The following GATB variants were observed in gnomAD, a reference collection of about 807,000 sequenced individuals.
GATB encodes glutamyl-tRNA amidotransferase subunit B.
GATB carries 39 observed loss-of-function variants against 62.3 expected under a neutral mutation model. The ratio of observed to expected loss-of-function variants is 0.63; its 90% confidence interval spans 0.48 to 0.82. GATB has a LOEUF of 0.82. Among genes scored for constraint, GATB ranks in the 40% least tolerant of loss-of-function variants. The pLI is 0.00. For synonymous variants in GATB, 276 were observed against 258.9 expected (o/e 1.07, Z -0.63); for missense variants, 670 against 684.0 (o/e 0.98, Z 0.23).
intron 9 of GATB, among the ~76,000 whole-genome samples, chr4:151,697,983 A>ATGTG (rs1381997845): frequency 6.7e-5 from 9 of 133,538 alleles, no homozygotes; most frequent in African/African-American, 2.4e-4. Context: ...ATATATATAT[A>ATGTG]TATATATATA....
chr4:151,728,468 A>G (rs1158493452), intron 2 of GATB, among the ~76,000 whole-genome samples: 1 of 152,228 alleles, frequency 6.6e-6, no homozygotes, highest in East Asian at 1.9e-4. Flanking sequence ...TTTAGTGAAG[A>G]AAGATTTCTC....
chr4:151,759,390 A>G (rs1297255751), intron 1 of GATB, among the ~76,000 whole-genome samples: 8 of 152,240 alleles, frequency 5.3e-5, no homozygotes. Flanking sequence ...AAATAATGAT[A>G]AATAGTTCCA....
chr4:151,758,804 A>C lies in GATB; in HGVS notation c.295T>G (p.Phe99Val), dbSNP rs1739890594. ...FSAPPNSLVS[F>V]FDASLPGTLP... ...GTTCCAGGTAGAGATGCATCAAAAAAAGAAACCAAAGAATTTGGAGGTGCT... is the reference window on the plus strand; with the variant it reads ...GTTCCAGGTAGAGATGCATCAAAAACAGAAACCAAAGAATTTGGAGGTGCT... The change falls in exon 2 of 13, where the codon TTT becomes GTT. Residue 99 changes from phenylalanine (F) to valine (V), a missense_variant. By Grantham distance (50) the Phe-to-Val change is conservative. Coordinates refer to ENST00000263985, the MANE Select transcript of GATB (RefSeq NM_004564.3). 2 of 1,607,406 alleles carry C rather than the reference A, an allele frequency of 1.2e-6. No homozygotes were observed. The highest frequency in any genetic ancestry group is 1.7e-6 in the Non-Finnish European group (2 of 1,176,876).
At chr4:151,704,528 ACTGCAAGCTCCGCCTCCTG>A (rs1229553741) in intron 7 of GATB, among the ~76,000 whole-genome samples, 6 of 150,728 alleles carry the variant, frequency 4.0e-5, no homozygotes, top group Non-Finnish European at 8.8e-5. Flanking sequence ...ATCTCGGCTC[ACTGCAAGCTCCGCCTCCTG>A]GGTTTACGCC....
intron 2 of GATB, among the ~76,000 whole-genome samples, chr4:151,754,959 A>C (rs1380421464): frequency 1.3e-5 from 2 of 152,218 alleles, no homozygotes; most frequent in Non-Finnish European, 2.9e-5. Context: ...CTGGCAACGT[A>C]ACTGTGCACA....
intron 2 of GATB, among the ~76,000 whole-genome samples, chr4:151,748,867 T>C: frequency 6.6e-6 from 1 of 152,172 alleles, no homozygotes; most frequent in Non-Finnish European, 1.5e-5. Flanking sequence ...TAGACACTTC[T>C]CAAAAGAAGA....
chr4:151,710,398 G>T (rs1251308160), intron 5 of GATB, among the ~76,000 whole-genome samples: 2 of 152,204 alleles, frequency 1.3e-5, no homozygotes, highest in Non-Finnish European at 2.9e-5. Context: ...CACTCTATCA[G>T]TCACTCATCT....
At chr4:151,673,058 C>G (rs774883775) in intron 11 of GATB, 162 bp from the exon 12 acceptor site, 2 of 834,786 alleles carry the variant, frequency 2.4e-6, no homozygotes, top group Non-Finnish European at 1.8e-6. Context: ...CCTGGCTGCC[C>G]TGCCAGAGCG....
chr4:151,707,778 A>G (rs1661780583), intron 6 of GATB, among the ~76,000 whole-genome samples: 2 of 152,230 alleles, frequency 1.3e-5, no homozygotes, highest in Admixed American at 1.3e-4. Context: ...CAAGGCCCCA[A>G]GGTATGAGAG....
chr4:151,712,541 G>C (rs1738838479), intron 5 of GATB, among the ~76,000 whole-genome samples: 1 of 152,106 alleles, frequency 6.6e-6, no homozygotes, highest in South Asian at 2.1e-4. Context: ...ATAACATCAA[G>C]ATGGAAAACT....
intron 7 of GATB, 127 bp from the exon 8 acceptor site, chr4:151,704,022 ACCTTAAATG>A (rs1182021842): frequency 1.6e-6 from 1 of 615,844 alleles, no homozygotes; most frequent in African/African-American, 1.8e-5. Flanking sequence ...CCATGGGGAA[ACCTTAAATG>A]AATACATTCA....
chr4:151,737,090 G>A (rs1351746833), intron 2 of GATB, among the ~76,000 whole-genome samples: 1 of 152,206 alleles, frequency 6.6e-6, no homozygotes, highest in Non-Finnish European at 1.5e-5. Flanking sequence ...CTTTCGATCT[G>A]GGTACCAGGC....
intron 3 of GATB, among the ~76,000 whole-genome samples, chr4:151,718,530 C>G (rs1244490664): frequency 6.6e-6 from 1 of 152,104 alleles, no homozygotes; most frequent in African/African-American, 2.4e-5. Context: ...TTCTTTCCGC[C>G]CTACCAAACA....
chr4:151,676,771 A>T (rs1290209330), intron 11 of GATB, among the ~76,000 whole-genome samples: 1 of 152,220 alleles, frequency 6.6e-6, no homozygotes, highest in Non-Finnish European at 1.5e-5. Flanking sequence ...TCTGAAGAAC[A>T]AGGCTGCTTT....
rs79184534 is a variant in GATB at position 151,689,150 on chromosome 4, T to C, written c.1198-387A>G. Among the ~76,000 whole-genome samples the C allele has an allele frequency of 1.5e-3, 235 of 152,314 alleles. 2 individuals carry two copies. The East Asian group carries it at 0.039, about 25-fold the overall frequency. Reference sequence around the variant, plus strand: ...TTTGGCCTGACTTTAATGCCCCTGTTCTTTCCAGGCCTGTCCTCTGCTGAA... The same window carrying C: ...TTTGGCCTGACTTTAATGCCCCTGTCCTTTCCAGGCCTGTCCTCTGCTGAA... On this transcript the variant is annotated intron_variant, in intron 9 of 12. Coordinates refer to ENST00000263985, the MANE Select transcript of GATB (RefSeq NM_004564.3).
At chr4:151,723,130 A>G (rs945411184) in intron 2 of GATB, 1 of 152,206 alleles carries the variant, frequency 6.6e-6, no homozygotes, top group Non-Finnish European at 1.5e-5. Context: ...CTCACGCAGC[A>G]CACCTTTCTC....
Position 151,679,857 on chromosome 4 carries a change from C to A in GATB, c.1366G>T (p.Asp456Tyr). The A allele has an allele frequency of 6.2e-7, 1 of 1,614,100 alleles. No homozygotes were observed. Among genetic ancestry groups the A allele is most frequent in the African/African-American group, 1.3e-5 (1 of 75,014 alleles). ...GAAATTGTTCTGCTGTCCAGCAGGT[C>A]AAGAAGCTCAGCGAGTGCAGAGGGT... Reference protein sequence around the residue: ...VTPSALAELLDLLDSRTISSS... With the variant: ...VTPSALAELLYLLDSRTISSS... Residue 456 changes from aspartate (D) to tyrosine (Y), a missense_variant, in exon 11 of 13, where the codon GAC becomes TAC. Asp to Tyr is a radical substitution (Grantham distance 160). Transcript: ENST00000263985.
intron 9 of GATB, among the ~76,000 whole-genome samples, chr4:151,693,280 G>A (rs559883818): frequency 1.5e-4 from 23 of 152,334 alleles, no homozygotes; most frequent in Middle Eastern, 3.4e-3. Flanking sequence ...GAAAGCAGGC[G>A]TCAGGGCAAG....
intron 9 of GATB, among the ~76,000 whole-genome samples, chr4:151,699,050 CT>C: frequency 6.6e-6 from 1 of 151,926 alleles, no homozygotes. Context: ...TTAAAAAAAT[CT>C]TTTGTTTCTG....
Sources: gnomAD v4.1 joint callset for allele counts (sites outside exome capture counted in the v4.1 genomes callset) on GRCh38, gnomAD v4.1.1 for gene constraint, MANE v1.5 for transcripts, NCBI Gene and HGNC (gene_info 2026-07-23, HGNC 2026-07-21) for gene names.